ZNF704: variants seen among roughly 807,000 people sequenced by gnomAD.
The protein encoded by ZNF704 is glucocorticoid induced gene 1.
In ZNF704, 10 loss-of-function variants were observed where a neutral mutation model predicts 44.7. The observed-to-expected ratio is 0.22, with a 90% CI of 0.14 to 0.38. The LOEUF (loss-of-function observed/expected upper bound fraction) is 0.38, where lower values mean the gene tolerates loss of function less well. Ranked by LOEUF, ZNF704 falls within the 10% of genes least tolerant of loss-of-function variation. The pLI, the probability that ZNF704 is intolerant of heterozygous loss-of-function variation, is 1.00. For missense variants in ZNF704, 390 were observed against 545.5 expected (o/e 0.71, Z 2.84); for synonymous variants, 211 against 207.6 (o/e 1.02, Z -0.14).
intron 2 of ZNF704, among the ~76,000 whole-genome samples, chr8:80,703,274 C>T (rs1298216296): frequency 6.6e-6 from 1 of 151,976 alleles, no homozygotes; most frequent in Non-Finnish European, 1.5e-5. Context: ...TCTTTCTGTG[C>T]TTGCCTGCTT....
chr8:80,765,359 C>T (rs934339008), intron 2 of ZNF704, among the ~76,000 whole-genome samples: 2 of 152,122 alleles, frequency 1.3e-5, no homozygotes, highest in Non-Finnish European at 2.9e-5. Context: ...ATGGAAATAC[C>T]CTCACATACA....
chr8:80,852,135 T>C (rs1157208965), intron 1 of ZNF704, among the ~76,000 whole-genome samples: 1 of 152,204 alleles, frequency 6.6e-6, no homozygotes, highest in Non-Finnish European at 1.5e-5. Context: ...CTATGTTAAA[T>C]GTTCAACATA....
At chr8:80,867,366 C>T (rs1243139934) in intron 1 of ZNF704, among the ~76,000 whole-genome samples, 2 of 152,078 alleles carry the variant, frequency 1.3e-5, no homozygotes, top group South Asian at 2.1e-4. Context: ...ATTTTCAACC[C>T]ACAACTCTAA....
chr8:80,823,588 G>A (rs375401786), intron 1 of ZNF704, among the ~76,000 whole-genome samples: 13 of 152,324 alleles, frequency 8.5e-5, no homozygotes, highest in Admixed American at 1.3e-4. Context: ...CTCCCAGCAC[G>A]GAGTGTGAGA....
rs1359272784 is a variant in ZNF704 at position 80,631,740 on chromosome 8, T to G, written c.*9626A>C. The G allele has an allele frequency of 6.6e-6, 1 of 152,220 alleles. No individual in the cohort carries two copies. Among genetic ancestry groups the G allele is most frequent in the African/African-American group, 2.4e-5 (1 of 41,456 alleles). The allele number at this position is 152,220 out of a possible 1,614,324, so 9.4% of individuals were successfully genotyped here. On this transcript the variant is annotated 3_prime_UTR_variant, in exon 9 of 9. Transcript: ENST00000327835. Reference sequence around the variant, plus strand: ...ATCTTTTGTGATGAGCGTGGCTGGCTGTGTGACTAAGCCGCTCTCCTCATG... The same window carrying G: ...ATCTTTTGTGATGAGCGTGGCTGGCGGTGTGACTAAGCCGCTCTCCTCATG...
At chr8:80,821,121 A>G (rs79473954) in intron 2 of ZNF704, among the ~76,000 whole-genome samples, 5,330 of 152,264 alleles carry the variant, frequency 0.035, 327 homozygotes, top group African/African-American at 0.12. Context: ...TTTGCTCTTT[A>G]TTATTCATTT....
intron 7 of ZNF704, among the ~76,000 whole-genome samples, chr8:80,643,400 C>T (rs1166387258): frequency 6.6e-6 from 1 of 151,654 alleles, no homozygotes; most frequent in African/African-American, 2.4e-5. Flanking sequence ...TGCCTGTAAT[C>T]CCAGCTACTT....
At chr8:80,720,199 T>C (rs1407799351) in intron 2 of ZNF704, among the ~76,000 whole-genome samples, 1 of 152,198 alleles carries the variant, frequency 6.6e-6, no homozygotes, top group Non-Finnish European at 1.5e-5. Flanking sequence ...ATGTGGCATC[T>C]GAGGTTGACA....
intron 1 of ZNF704, among the ~76,000 whole-genome samples, chr8:80,843,395 C>CA (rs1808713457): frequency 6.6e-6 from 1 of 152,156 alleles, no homozygotes; most frequent in Non-Finnish European, 1.5e-5. Flanking sequence ...TTATGAATGC[C>CA]AAAGGTCACA....
chr8:80,653,875 T>A (rs1585925496), intron 7 of ZNF704, among the ~76,000 whole-genome samples: 1 of 152,180 alleles, frequency 6.6e-6, no homozygotes, highest in Non-Finnish European at 1.5e-5. Context: ...AGAGCCCGCA[T>A]TGCCAAGTCA....
intron 2 of ZNF704, among the ~76,000 whole-genome samples, chr8:80,700,810 C>T (rs184213660): frequency 3.3e-5 from 5 of 152,256 alleles, no homozygotes; most frequent in Admixed American, 1.3e-4. Flanking sequence ...CGATTTAAAA[C>T]AAGAATACAG....
At chr8:80,701,134 C>A (rs1818803478) in intron 2 of ZNF704, among the ~76,000 whole-genome samples, 1 of 151,222 alleles carries the variant, frequency 6.6e-6, no homozygotes, top group Non-Finnish European at 1.5e-5. Context: ...AGAACCAAAC[C>A]CTGGCTGAAT....
intron 7 of ZNF704, among the ~76,000 whole-genome samples, chr8:80,654,632 CACAATGAGAT>C (rs1817981521): frequency 6.6e-6 from 1 of 152,154 alleles, no homozygotes; most frequent in Non-Finnish European, 1.5e-5. Flanking sequence ...AAATCAAAAC[CACAATGAGAT>C]ACCATCTCAC....
intron 2 of ZNF704, among the ~76,000 whole-genome samples, chr8:80,727,276 C>T (rs10100903): frequency 0.026 from 4,009 of 152,202 alleles, 186 homozygotes; most frequent in African/African-American, 0.09. Flanking sequence ...GACTTACGAT[C>T]GGCTCAGACC....
At chr8:80,870,108 ACT>A (rs774918791) in intron 1 of ZNF704, among the ~76,000 whole-genome samples, 8 of 152,142 alleles carry the variant, frequency 5.3e-5, no homozygotes, top group Non-Finnish European at 1.2e-4. Flanking sequence ...GCCTTGTGAG[ACT>A]CTTCACAGAA....
intron 4 of ZNF704, among the ~76,000 whole-genome samples, chr8:80,680,328 G>A (rs1818433273): frequency 6.6e-6 from 1 of 151,794 alleles, no homozygotes; most frequent in Non-Finnish European, 1.5e-5. Context: ...TGGAGTTAAC[G>A]TCATGTTCTG....
At position 80,763,977 on chromosome 8, in the gene ZNF704, C is replaced by T. The variant is rs186927205; in HGVS notation, c.221+57397G>A. On this transcript the variant is annotated intron_variant, in intron 2 of 8. Coordinates refer to ENST00000327835, the MANE Select transcript of ZNF704 (RefSeq NM_001033723.3). ...TAAGTTCCTCATCTCCATCTGAGAT[C>T]ACCTCAGCCTGGACTTCATTGTCCA... Among the ~76,000 whole-genome samples the T allele has an allele frequency of 1.2e-3, 187 of 152,330 alleles. 1 individual carries two copies. The highest frequency in any genetic ancestry group is 1.4e-3 in the Non-Finnish European group (92 of 68,028).
At chr8:80,789,757 C>CA (rs201884781) in intron 2 of ZNF704, among the ~76,000 whole-genome samples, 190 of 150,460 alleles carry the variant, frequency 1.3e-3, no homozygotes, top group Non-Finnish European at 2.1e-3. Flanking sequence ...AAACTAATAA[C>CA]AAAAAAAAAC....
At chr8:80,804,058 G>A (rs1807945609) in intron 2 of ZNF704, among the ~76,000 whole-genome samples, 1 of 152,028 alleles carries the variant, frequency 6.6e-6, no homozygotes, top group African/African-American at 2.4e-5. Flanking sequence ...CATCCATGTG[G>A]CCAACAAACA....
Sources: allele counts gnomAD v4.1 joint callset (sites outside exome capture counted in the v4.1 genomes callset), GRCh38; gene constraint gnomAD v4.1.1; transcripts MANE v1.5; gene names NCBI Gene and HGNC (gene_info 2026-07-23, HGNC 2026-07-21).